The following TFDP2 variants were observed in gnomAD, a reference collection of about 807,000 sequenced individuals.
TFDP2 encodes the protein transcription factor Dp-2 (E2F dimerization partner 2).
In TFDP2, 17 loss-of-function variants were observed where a neutral mutation model predicts 59.3. The ratio of observed to expected loss-of-function variants is 0.29; its 90% confidence interval spans 0.20 to 0.43. The LOEUF (loss-of-function observed/expected upper bound fraction) is 0.43, where lower values mean the gene tolerates loss of function less well. Among genes scored for constraint, TFDP2 ranks in the 20% least tolerant of loss-of-function variants. The pLI is 1.00. For missense variants in TFDP2, 391 were observed against 528.8 expected, an observed-to-expected ratio of 0.74 and a Z score of 2.56; for synonymous variants, 180 against 194.7, an observed-to-expected ratio of 0.92 and a Z score of 0.63.
chr3:141,978,667 T>C lies in TFDP2; in HGVS notation c.372A>G (p.Lys124=). The C allele has an allele frequency of 6.2e-7, 1 of 1,606,902 alleles. No individual in the cohort carries two copies. Among genetic ancestry groups the C allele is most frequent in the Non-Finnish European group, 8.5e-7 (1 of 1,178,198 alleles). ...TCAAGCCTTTCCCATTTTTATCTCC[T>C]TTTTTGCTTCGTTTACTAGAAGGGA... ...SDFSESKRSK[K]GDKNGKGLRH... Residue 124 remains lysine, a synonymous_variant, in exon 7 of 13, where the codon AAA becomes AAG. Transcript: ENST00000489671.
chr3:141,983,876 T>C (rs1263415321), intron 6 of TFDP2, among the ~76,000 whole-genome samples: 1 of 152,164 alleles, frequency 6.6e-6, no homozygotes, highest in Non-Finnish European at 1.5e-5. Context: ...TATAAAATGA[T>C]ACAGCCACTG....
At chr3:142,119,515 C>T (rs1205284330) in intron 1 of TFDP2, among the ~76,000 whole-genome samples, 2 of 152,058 alleles carry the variant, frequency 1.3e-5, no homozygotes, top group African/African-American at 4.8e-5. Flanking sequence ...AGTTTGACTG[C>T]TGTGGAAAAT....
rs34003711 is a variant in TFDP2 at position 142,010,608 on chromosome 3, C to CAA, written c.83-5066_83-5065dup. Among the ~76,000 whole-genome samples, 373 of 56,776 alleles carry CAA rather than the reference C, an allele frequency of 6.6e-3. 12 individuals carry two copies. The highest frequency in any genetic ancestry group is 1.0e-2 in the East Asian group (19 of 1,908). 37.2% of individuals were successfully genotyped at this position (56,776 alleles called of 152,430 possible). On this transcript the variant is annotated intron_variant, in intron 3 of 12. Transcript: ENST00000489671. ...TGGGTGACAGAGCAAGACTCTGTCT[C>CAA]AAAAAAAAAAAAAAAAAAAAACCTA...
At chr3:142,135,686 A>G (rs1034242289) in intron 1 of TFDP2, among the ~76,000 whole-genome samples, 1 of 152,120 alleles carries the variant, frequency 6.6e-6, no homozygotes, top group African/African-American at 2.4e-5. Context: ...TAGTTTGCTC[A>G]GAATGATGGT....
chr3:141,959,953 G>T, intron 10 of TFDP2, 113 bp from the exon 11 acceptor site: 1 of 1,005,640 alleles, frequency 9.9e-7, no homozygotes, highest in Non-Finnish European at 1.4e-6. Flanking sequence ...TATAGTGCTA[G>T]AAATTGCTAC....
intron 3 of TFDP2, among the ~76,000 whole-genome samples, chr3:142,064,951 AT>A (rs1381316942): frequency 6.6e-6 from 1 of 152,222 alleles, no homozygotes; most frequent in African/African-American, 2.4e-5. Context: ...GGTAGTTCTT[AT>A]TGAATTGTAG....
At chr3:142,047,185 GAGAAA>G (rs1947383113) in intron 3 of TFDP2, among the ~76,000 whole-genome samples, 1 of 152,140 alleles carries the variant, frequency 6.6e-6, no homozygotes, top group South Asian at 2.1e-4. Context: ...TGTAGCAACT[GAGAAA>G]AGAAAAGAAC....
At chr3:142,042,630 CTTTTTTTTTTTT>C (rs66981475) in intron 3 of TFDP2, among the ~76,000 whole-genome samples, 3 of 108,222 alleles carry the variant, frequency 2.8e-5, no homozygotes, top group Admixed American at 2.1e-4. Flanking sequence ...CTTTTCTTTT[CTTTTTTTTTTTT>C]TTTTTTTTAC....
chr3:142,034,381 T>C (rs1404285943), intron 3 of TFDP2, among the ~76,000 whole-genome samples: 1 of 151,660 alleles, frequency 6.6e-6, no homozygotes, highest in Non-Finnish European at 1.5e-5. Flanking sequence ...TTACAGGTGT[T>C]AGCCACCATG....
intron 3 of TFDP2, among the ~76,000 whole-genome samples, chr3:142,074,034 G>A (rs1047150240): frequency 2.0e-5 from 3 of 152,172 alleles, no homozygotes; most frequent in African/African-American, 7.2e-5. Context: ...TCCCAATTTT[G>A]AAACTTACCA....
intron 6 of TFDP2, among the ~76,000 whole-genome samples, chr3:141,992,608 AT>A (rs750338212): frequency 3.9e-5 from 6 of 152,356 alleles, no homozygotes; most frequent in Non-Finnish European, 7.3e-5. Flanking sequence ...AGTAAAGAAC[AT>A]TTCATTTCTA....
chr3:141,954,843 T>A (rs1936391387), intron 11 of TFDP2, among the ~76,000 whole-genome samples: 1 of 151,930 alleles, frequency 6.6e-6, no homozygotes, highest in Non-Finnish European at 1.5e-5. Flanking sequence ...TACAAAAAAA[T>A]GAAACTATAT....
intron 10 of TFDP2, among the ~76,000 whole-genome samples, chr3:141,962,984 T>C (rs1937533513): frequency 6.6e-6 from 1 of 152,230 alleles, no homozygotes; most frequent in African/African-American, 2.4e-5. Context: ...ATTATAGACA[T>C]TAACTCATTT....
chr3:142,080,916 T>C (rs772027627), intron 3 of TFDP2, among the ~76,000 whole-genome samples: 1 of 152,176 alleles, frequency 6.6e-6, no homozygotes, highest in East Asian at 1.9e-4. Context: ...CTTTGAGCAA[T>C]GAACAGATCT....
At chr3:142,114,514 TA>T (rs1345610470) in intron 1 of TFDP2, among the ~76,000 whole-genome samples, 2 of 152,160 alleles carry the variant, frequency 1.3e-5, no homozygotes, top group Non-Finnish European at 2.9e-5. Context: ...ATGTACCATA[TA>T]TTGAAAATCC....
chr3:142,044,714 G>C (rs1040497527), intron 3 of TFDP2, among the ~76,000 whole-genome samples: 3 of 152,108 alleles, frequency 2.0e-5, no homozygotes, highest in Non-Finnish European at 4.4e-5. Context: ...GAGTACAAAG[G>C]ATGATCCAAG....
chr3:141,961,405 G>A (rs1202822319), intron 10 of TFDP2, among the ~76,000 whole-genome samples: 2 of 151,756 alleles, frequency 1.3e-5, no homozygotes, highest in African/African-American at 4.8e-5. Context: ...CACCATGCCT[G>A]GCTAATTTTT....
At chr3:142,074,575 G>C (rs2060375297) in intron 3 of TFDP2, among the ~76,000 whole-genome samples, 1 of 152,012 alleles carries the variant, frequency 6.6e-6, no homozygotes, top group South Asian at 2.1e-4. Flanking sequence ...AAACAGGCCA[G>C]GTATGGTGGC....
intron 3 of TFDP2, among the ~76,000 whole-genome samples, chr3:142,009,523 C>A (rs893685573): frequency 3.3e-5 from 5 of 152,030 alleles, no homozygotes; most frequent in Non-Finnish European, 7.4e-5. Context: ...ACCAGCCTGG[C>A]CAACATGGCG....
Sources: allele counts gnomAD v4.1 joint callset (sites outside exome capture counted in the v4.1 genomes callset), GRCh38; gene constraint gnomAD v4.1.1; transcripts MANE v1.5; gene names NCBI Gene and HGNC (gene_info 2026-07-23, HGNC 2026-07-21).